Variants in CCDC179 observed in about 807,000 individuals in gnomAD.
The protein encoded by CCDC179 is coiled-coil domain containing 179, also known as coiled-coil domain-containing protein 179.
CCDC179 carries 17 observed loss-of-function variants against 12.0 expected under a neutral mutation model. The observed-to-expected ratio is 1.42, with a 90% CI of 0.97 to 2.13. The LOEUF is 2.13. Among genes scored for constraint, CCDC179 ranks in the 30% most tolerant of loss-of-function variants. The pLI, the probability that CCDC179 is intolerant of heterozygous loss-of-function variation, is 0.00. For synonymous variants in CCDC179, 27 were observed against 26.4 expected, an observed-to-expected ratio of 1.02 and a Z score of -0.07; for missense variants, 83 against 78.6, an observed-to-expected ratio of 1.06 and a Z score of -0.21.
chr11:22,850,135 G>A (rs1288624678), intron 3 of CCDC179, among the ~76,000 whole-genome samples: 1 of 152,192 alleles, frequency 6.6e-6, no homozygotes, highest in East Asian at 1.9e-4. Context: ...CACGTGGCTG[G>A]CAGAGAAGGG....
At chr11:22,858,077 A>G in intron 2 of CCDC179, 51 bp from the exon 3 acceptor site, 4 of 1,173,854 alleles carry the variant, frequency 3.4e-6, no homozygotes, top group South Asian at 1.6e-5. Context: ...GTAACATATA[A>G]AGGTAACATT....
chr11:22,856,998 T>G (rs1357522586), intron 3 of CCDC179, among the ~76,000 whole-genome samples: 1 of 151,578 alleles, frequency 6.6e-6, no homozygotes, highest in Non-Finnish European at 1.5e-5. Flanking sequence ...TGAGGAAAAT[T>G]ATAAAACTCA....
intron 3 of CCDC179, among the ~76,000 whole-genome samples, chr11:22,855,614 A>G (rs2191689): frequency 0.5 from 75,374 of 151,190 alleles, 19,432 homozygotes; most frequent in Middle Eastern, 0.7. Context: ...TCTTTACTCA[A>G]TAGTCTAAGA....
Position 22,855,509 on chromosome 11 carries a change from C to T in CCDC179, c.195+2413G>A, listed in dbSNP as rs114665830. 7.6e-3 allele frequency among the ~76,000 whole-genome samples: 1,152 copies of T among 151,300 alleles called. 16 individuals carry two copies. Among genetic ancestry groups the T allele is most frequent in the African/African-American group, 0.026 (1,084 of 41,394 alleles). On this transcript the variant is annotated intron_variant, in intron 3 of 3. Transcript: ENST00000532798. ...TAGAATATTCTGAACAAAATGAAAA[C>T]GAAAATATGATTTATTAAAATTTAT...
intron 3 of CCDC179, among the ~76,000 whole-genome samples, chr11:22,853,925 A>T (rs1392259982): frequency 1.3e-5 from 2 of 152,026 alleles, no homozygotes; most frequent in East Asian, 3.8e-4. Flanking sequence ...ACAAAAATGA[A>T]ATCTTGAAAG....
At chr11:22,857,777 T>G in intron 3 of CCDC179, 145 bp downstream of exon 3, 23 of 455,856 alleles carry the variant, frequency 5.0e-5, no homozygotes, top group East Asian at 1.7e-4. Flanking sequence ...AAATAATAGA[T>G]GAGATAAGAC....
At chr11:22,855,500 AAATG>A (rs1227616979) in intron 3 of CCDC179, among the ~76,000 whole-genome samples, 4 of 151,710 alleles carry the variant, frequency 2.6e-5, no homozygotes, top group African/African-American at 9.6e-5. Context: ...ATTCTGAACA[AAATG>A]AAAACGAAAA....
chr11:22,853,618 C>T (rs933872962), intron 3 of CCDC179, among the ~76,000 whole-genome samples: 5 of 141,524 alleles, frequency 3.5e-5, no homozygotes, highest in Non-Finnish European at 7.6e-5. Flanking sequence ...AAGAACTGAG[C>T]AACAATTACA....
At chr11:22,859,622 A>G (rs912984784) in intron 1 of CCDC179, 126 bp from the exon 2 acceptor site, 1 of 479,284 alleles carries the variant, frequency 2.1e-6, no homozygotes, top group Non-Finnish European at 3.4e-6. Context: ...TTTCAACTAT[A>G]AGAAGCAGGT....
At chr11:22,855,304 A>G (rs965333599) in intron 3 of CCDC179, among the ~76,000 whole-genome samples, 25 of 151,692 alleles carry the variant, frequency 1.6e-4, no homozygotes, top group African/African-American at 6.0e-4. Context: ...CAATGTCATT[A>G]AAATATACTT....
At chr11:22,854,306 C>G (rs1336249520) in intron 3 of CCDC179, among the ~76,000 whole-genome samples, 2 of 151,692 alleles carry the variant, frequency 1.3e-5, no homozygotes, top group African/African-American at 2.4e-5. Flanking sequence ...AATATTTTAT[C>G]TGTCTTATTC....
At chr11:22,850,961 TATA>T (rs1564915050) in intron 3 of CCDC179, among the ~76,000 whole-genome samples, 9 of 16,656 alleles carry the variant, frequency 5.4e-4, no homozygotes, top group Non-Finnish European at 7.7e-4. Context: ...TATATATATA[TATA>T]TATATATATA....
At chr11:22,859,935 G>A (rs1858623145) in intron 1 of CCDC179, among the ~76,000 whole-genome samples, 1 of 152,190 alleles carries the variant, frequency 6.6e-6, no homozygotes, top group Non-Finnish European at 1.5e-5. Flanking sequence ...AGCACAGGGA[G>A]CTTGGCTGTT....
chr11:22,855,797 G>T (rs1858516294), intron 3 of CCDC179, among the ~76,000 whole-genome samples: 1 of 151,178 alleles, frequency 6.6e-6, no homozygotes, highest in Non-Finnish European at 1.5e-5. Context: ...ATAAACTTTT[G>T]CCAGACTAAC....
At chr11:22,850,963 TATATATATA>T (rs1564915073) in intron 3 of CCDC179, among the ~76,000 whole-genome samples, 23 of 19,754 alleles carry the variant, frequency 1.2e-3, no homozygotes, top group African/African-American at 3.4e-3. Flanking sequence ...TATATATATA[TATATATATA>T]TATATTTTTT....
intron 3 of CCDC179, among the ~76,000 whole-genome samples, chr11:22,857,591 C>G (rs769124117): frequency 6.6e-6 from 1 of 151,596 alleles, no homozygotes; most frequent in Non-Finnish European, 1.5e-5. Flanking sequence ...CTAATGTGAC[C>G]TTAAATTTGG....
intron 2 of CCDC179, among the ~76,000 whole-genome samples, chr11:22,858,329 T>TA: frequency 6.6e-6 from 1 of 152,080 alleles, no homozygotes; most frequent in Middle Eastern, 3.4e-3. Context: ...ACTTTTGCTT[T>TA]AAAAATAATG....
At chr11:22,856,089 C>T (rs1043758775) in intron 3 of CCDC179, among the ~76,000 whole-genome samples, 2 of 151,256 alleles carry the variant, frequency 1.3e-5, no homozygotes, top group African/African-American at 4.8e-5. Flanking sequence ...GATTACCAAA[C>T]ATTTAAAAAA....
At chr11:22,851,877 T>C (rs1858412122) in intron 3 of CCDC179, among the ~76,000 whole-genome samples, 1 of 152,144 alleles carries the variant, frequency 6.6e-6, no homozygotes, top group Non-Finnish European at 1.5e-5. Flanking sequence ...AAATTTTACC[T>C]CCAGGAGCCT....
Sources: gnomAD v4.1 joint callset for allele counts (sites outside exome capture counted in the v4.1 genomes callset) on GRCh38, gnomAD v4.1.1 for gene constraint, MANE v1.5 for transcripts, NCBI Gene and HGNC (gene_info 2026-07-23, HGNC 2026-07-21) for gene names.